Variants in PCCA observed in about 807,000 individuals in gnomAD.
The protein encoded by PCCA is propionyl-CoA carboxylase alpha chain, mitochondrial.
PCCA carries 74 observed loss-of-function variants against 101.3 expected under a neutral mutation model. The ratio of observed to expected loss-of-function variants is 0.73; its 90% CI spans 0.61 to 0.89. PCCA has a LOEUF of 0.89. Among genes scored for constraint, PCCA ranks in the 40% least tolerant of loss-of-function variants. The pLI is 0.00. For missense variants in PCCA, 891 were observed against 907.0 expected (o/e 0.98, Z 0.23); for synonymous variants, 294 against 313.6 (o/e 0.94, Z 0.66).
intron 18 of PCCA, among the ~76,000 whole-genome samples, chr13:100,364,794 G>T (rs1265289824): frequency 1.3e-5 from 2 of 152,174 alleles, no homozygotes; most frequent in Non-Finnish European, 2.9e-5. Context: ...ACTCACACCT[G>T]TAATCCCATA....
chr13:100,339,772 C>T (rs763080591), intron 17 of PCCA, among the ~76,000 whole-genome samples: 4 of 152,144 alleles, frequency 2.6e-5, no homozygotes, highest in East Asian at 3.8e-4. Context: ...GCTTCTTGCA[C>T]GCTATCCTCA....
chr13:100,141,020 C>T (rs2051802024), intron 4 of PCCA, among the ~76,000 whole-genome samples: 1 of 152,206 alleles, frequency 6.6e-6, no homozygotes, highest in Admixed American at 6.5e-5. Context: ...AATGACTCAA[C>T]TGCAGTAATA....
chr13:100,304,408 G>A (rs2066300142), intron 14 of PCCA, among the ~76,000 whole-genome samples: 1 of 152,188 alleles, frequency 6.6e-6, no homozygotes, highest in South Asian at 2.1e-4. Flanking sequence ...ATTGATGTCA[G>A]CAGGACAGTA....
chr13:100,346,001 T>G (rs2072151216), intron 18 of PCCA, among the ~76,000 whole-genome samples: 1 of 151,816 alleles, frequency 6.6e-6, no homozygotes, highest in Non-Finnish European at 1.5e-5. Context: ...AATTTTTTTT[T>G]CAAATGATTG....
intron 20 of PCCA, among the ~76,000 whole-genome samples, chr13:100,440,170 ATATATATATATAT>A (rs1038549931): frequency 7.1e-5 from 1 of 14,108 alleles, no homozygotes; most frequent in African/African-American, 7.7e-4. Flanking sequence ...ATATATATAT[ATATATATATATAT>A]ATATATATAT....
At chr13:100,362,234 G>A (rs768653911) in intron 18 of PCCA, among the ~76,000 whole-genome samples, 6 of 152,058 alleles carry the variant, frequency 3.9e-5, no homozygotes, top group Non-Finnish European at 8.8e-5. Context: ...CTGGAAGGGT[G>A]AATGACAGAA....
At chr13:100,209,278 A>T in intron 6 of PCCA, 54 bp from the exon 7 acceptor site, 1 of 1,523,148 alleles carries the variant, frequency 6.6e-7, no homozygotes, top group Non-Finnish European at 9.1e-7. Context: ...TTGTGACTCC[A>T]CATCATGCTC....
chr13:100,296,725 C>T (rs1267178062), intron 12 of PCCA, among the ~76,000 whole-genome samples: 1 of 151,960 alleles, frequency 6.6e-6, no homozygotes, highest in Admixed American at 6.6e-5. Flanking sequence ...GCCTAGTGGC[C>T]CTTTACTCCT....
At chr13:100,420,126 G>T (rs1046075988) in intron 19 of PCCA, among the ~76,000 whole-genome samples, 8 of 152,054 alleles carry the variant, frequency 5.3e-5, no homozygotes, top group African/African-American at 1.9e-4. Context: ...TTCACTTTTG[G>T]CTTATTTTTC....
intron 20 of PCCA, among the ~76,000 whole-genome samples, chr13:100,430,592 A>G (rs2079481047): frequency 6.6e-6 from 1 of 152,230 alleles, no homozygotes; most frequent in Non-Finnish European, 1.5e-5. Context: ...TCCATACATC[A>G]TATTAATATT....
At chr13:100,113,444 A>G (rs2048508813) in intron 4 of PCCA, among the ~76,000 whole-genome samples, 1 of 152,180 alleles carries the variant, frequency 6.6e-6, no homozygotes. Context: ...TATAGACTTC[A>G]TAAACACTGT....
chr13:100,331,134 A>G (rs1163376292), intron 17 of PCCA, among the ~76,000 whole-genome samples: 2 of 152,220 alleles, frequency 1.3e-5, no homozygotes, highest in Non-Finnish European at 2.9e-5. Flanking sequence ...ATTCTGAAAA[A>G]TGAAGTTTTC....
Position 100,425,690 on chromosome 13 carries a change from T to C in PCCA, c.1804T>C (p.Leu602=), listed in dbSNP as rs1463597108. The C allele has an allele frequency of 6.2e-7, 1 of 1,614,074 alleles. No individual in the cohort carries two copies. The highest frequency in any genetic ancestry group is 2.2e-5 in the East Asian group (1 of 44,876). ...CAGCACGTGGAACCTGGCTTCGCCC[T>C]TATTGTCTGTCAGCGTTGATGGCAC... ...VTSTWNLASP[L]LSVSVDGTQR... The change falls in exon 20 of 24, where the codon TTA becomes CTA. Residue 602 remains leucine (L), a synonymous_variant. Transcript: ENST00000376285.
intron 4 of PCCA, among the ~76,000 whole-genome samples, chr13:100,129,411 T>A (rs917833292): frequency 3.3e-5 from 5 of 152,204 alleles, no homozygotes; most frequent in African/African-American, 1.2e-4. Flanking sequence ...AGGCTCTTTT[T>A]TCTGGTGAAA....
intron 19 of PCCA, among the ~76,000 whole-genome samples, chr13:100,396,011 G>A (rs1203578418): frequency 6.6e-6 from 1 of 152,192 alleles, no homozygotes; most frequent in Non-Finnish European, 1.5e-5. Context: ...TCTACCATCA[G>A]CATTTACCCA....
chr13:100,373,845 C>T (rs1248144394), intron 19 of PCCA, among the ~76,000 whole-genome samples: 1 of 152,076 alleles, frequency 6.6e-6, no homozygotes, highest in African/African-American at 2.4e-5. Flanking sequence ...GGTGCAGTGG[C>T]TCACACCTGT....
At chr13:100,218,346 T>TG (rs1420549945) in intron 7 of PCCA, among the ~76,000 whole-genome samples, 1 of 67,784 alleles carries the variant, frequency 1.5e-5, no homozygotes, top group African/African-American at 6.1e-5. Context: ...TATGGGTTGT[T>TG]TTTTTTTTTT....
chr13:100,272,991 A>G (rs2063397460), intron 11 of PCCA, among the ~76,000 whole-genome samples: 1 of 152,230 alleles, frequency 6.6e-6, no homozygotes, highest in African/African-American at 2.4e-5. Flanking sequence ...ATACAAATCT[A>G]AAGTTGACTT....
intron 21 of PCCA, among the ~76,000 whole-genome samples, chr13:100,463,487 T>C (rs756387968): frequency 1.4e-5 from 2 of 147,222 alleles, no homozygotes; most frequent in Non-Finnish European, 3.0e-5. Context: ...AGGTGATAAC[T>C]GATGCAGTTA....
Sources: gnomAD v4.1 joint callset for allele counts (sites outside exome capture counted in the v4.1 genomes callset) on GRCh38, gnomAD v4.1.1 for gene constraint, MANE v1.5 for transcripts, NCBI Gene and HGNC (gene_info 2026-07-23, HGNC 2026-07-21) for gene names.